FKBP1B: variants seen among roughly 807,000 people sequenced by gnomAD.
FKBP1B encodes peptidyl-prolyl cis-trans isomerase FKBP1B.
Under a neutral mutation model 13.5 loss-of-function variants are expected in FKBP1B, and 4 were observed. That is an observed-to-expected ratio of 0.30 (90% CI 0.15 to 0.68). FKBP1B has a LOEUF of 0.68. FKBP1B is among the 30% of genes least tolerant of loss of function. The pLI is 0.76. For synonymous variants in FKBP1B, 54 were observed against 53.6 expected, an observed-to-expected ratio of 1.01 and a Z score of -0.03; for missense variants, 93 against 136.2, an observed-to-expected ratio of 0.68 and a Z score of 1.58.
At chr2:24,058,736 C>T (rs1664247011) in intron 2 of FKBP1B, among the ~76,000 whole-genome samples, 2 of 152,168 alleles carry the variant, frequency 1.3e-5, no homozygotes, top group African/African-American at 4.8e-5. Flanking sequence ...GGCTTTTCTC[C>T]TGAGTGTGAG....
the FKBP1B span, chr2:24,037,626 C>T: frequency 8.2e-5 from 124 of 1,519,192 alleles, no homozygotes; most frequent in African/African-American, 1.4e-3. Context: ...CAGTACTCAC[C>T]GGCTGCAGGA....
chr2:24,039,338 C>G, the FKBP1B span: 5 of 1,614,142 alleles, frequency 3.1e-6, no homozygotes, highest in Non-Finnish European at 4.2e-6. Context: ...TGTCCAATGA[C>G]TTTGGAGTCC....
At chr2:24,056,774 T>G (rs1284843087) in intron 2 of FKBP1B, among the ~76,000 whole-genome samples, 1 of 152,150 alleles carries the variant, frequency 6.6e-6, no homozygotes, top group Non-Finnish European at 1.5e-5. Context: ...CCCTGCAACC[T>G]ACACTTCCCG....
At chr2:24,038,047 T>C in the FKBP1B span, 6 of 1,614,090 alleles carry the variant, frequency 3.7e-6, no homozygotes, top group Non-Finnish European at 5.1e-6. Flanking sequence ...ACTACTGGTA[T>C]TAACTGTCAG....
intron 2 of FKBP1B, among the ~76,000 whole-genome samples, chr2:24,055,048 A>T (rs1664056127): frequency 6.6e-6 from 1 of 152,178 alleles, no homozygotes. Flanking sequence ...GTCTAGGTCA[A>T]TGAATTTTTT....
upstream of FKBP1B, among the ~76,000 whole-genome samples, chr2:24,047,934 G>C (rs1358122220): frequency 2.0e-5 from 3 of 152,130 alleles, no homozygotes; most frequent in Non-Finnish European, 2.9e-5. Flanking sequence ...TCCAGGTCCT[G>C]ACCCTCACAG....
At chr2:24,037,432 G>C in the FKBP1B span, among the ~76,000 whole-genome samples, 3 of 152,174 alleles carry the variant, frequency 2.0e-5, no homozygotes, top group African/African-American at 7.2e-5. Flanking sequence ...AATTAGTGCA[G>C]ACATTTATTT....
Position 24,050,023 on chromosome 2 carries a change from G to C in FKBP1B, c.37+137G>C. 1.7e-6 allele frequency: 1 copy of C among 587,358 alleles called. No homozygotes were observed. Among genetic ancestry groups the C allele is most frequent in the Non-Finnish European group, 2.6e-6 (1 of 392,144 alleles). 36.4% of individuals were successfully genotyped at this position (587,358 alleles called of 1,614,324 possible). A position where few individuals can be genotyped will look rare whatever the true frequency, so the allele number is the denominator to read the frequency against. ...GATGGGGAAGGCAGGCGGAGACGCC[G>C]GACGGGATTCTTGGGGGTCTAGGAG... On this transcript the variant is annotated intron_variant, in intron 1 of 3. Coordinates refer to ENST00000380986, the MANE Select transcript of FKBP1B (RefSeq NM_004116.5). This position sits in a 1 kb window ranked among gnomAD's most constrained non-coding sequence, Gnocchi z 5.8.
intron 1 of FKBP1B, 21 bp from the exon 2 acceptor site, chr2:24,053,881 T>C: frequency 6.2e-7 from 1 of 1,613,450 alleles, no homozygotes; most frequent in Non-Finnish European, 8.5e-7. Context: ...CTCCTTCATC[T>C]GCCCTCATGT....
At chr2:24,055,728 T>C (rs1055027188) in intron 2 of FKBP1B, among the ~76,000 whole-genome samples, 9 of 152,232 alleles carry the variant, frequency 5.9e-5, no homozygotes, top group Non-Finnish European at 1.5e-5. Context: ...AACATTTGGG[T>C]TGTTCATAGT....
intron 2 of FKBP1B, among the ~76,000 whole-genome samples, chr2:24,060,104 A>G (rs1161276416): frequency 2.0e-5 from 3 of 146,588 alleles, no homozygotes; most frequent in Non-Finnish European, 4.5e-5. Context: ...GGGGAGTAAT[A>G]GAATCAGATT....
chr2:24,056,434 C>T (rs1352891187), intron 2 of FKBP1B, among the ~76,000 whole-genome samples: 1 of 151,524 alleles, frequency 6.6e-6, no homozygotes, highest in Non-Finnish European at 1.5e-5. Flanking sequence ...AACCCCGCCT[C>T]CTGGGTTCAA....
At position 24,063,476 on chromosome 2, in the gene FKBP1B, T is replaced by G; in HGVS notation, c.*284T>G. ...TCCTGATGACAGAACACAGATCTCT[T>G]GTTCGCACAATCTACACTGCCTTAC... On this transcript the variant is annotated 3_prime_UTR_variant, in exon 4 of 4. Coordinates refer to ENST00000380986, the MANE Select transcript of FKBP1B (RefSeq NM_004116.5). 1 of 350,526 alleles carries G rather than the reference T, an allele frequency of 2.9e-6. No individual in the cohort carries two copies. Among genetic ancestry groups the G allele is most frequent in the Non-Finnish European group, 5.1e-6 (1 of 194,702 alleles). The allele number at this position is 350,526 out of a possible 1,614,324, so 21.7% of individuals were successfully genotyped here. A position where few individuals can be genotyped will look rare whatever the true frequency, so the allele number is the denominator to read the frequency against.
At chr2:24,058,212 A>G (rs1471306088) in intron 2 of FKBP1B, among the ~76,000 whole-genome samples, 6 of 152,034 alleles carry the variant, frequency 3.9e-5, no homozygotes, top group African/African-American at 1.4e-4. Context: ...GGAAAAAAAA[A>G]AAAAAAATTG....
chr2:24,035,941 T>G, the FKBP1B span, among the ~76,000 whole-genome samples: 3 of 151,166 alleles, frequency 2.0e-5, no homozygotes, highest in African/African-American at 7.3e-5. Flanking sequence ...TGGTGGCACG[T>G]GCCTGTAATC....
intron 2 of FKBP1B, among the ~76,000 whole-genome samples, chr2:24,057,362 A>T (rs1664175341): frequency 6.9e-6 from 1 of 144,364 alleles, no homozygotes; most frequent in South Asian, 2.3e-4. Flanking sequence ...TGCCTGGCTA[A>T]TTTTTTTTTG....
At chr2:24,039,277 G>C in the FKBP1B span, 15 of 1,614,100 alleles carry the variant, frequency 9.3e-6, no homozygotes, top group Non-Finnish European at 1.3e-5. Context: ...TAGAACAGGT[G>C]TATCATCTGC....
upstream of FKBP1B, among the ~76,000 whole-genome samples, chr2:24,048,320 A>T (rs889348279): frequency 6.6e-6 from 1 of 151,936 alleles, no homozygotes. Context: ...AAATTTAAAA[A>T]TTAGCCGAAC....
At position 24,053,951 on chromosome 2, in the gene FKBP1B, T is replaced by A; in HGVS notation, c.85+2T>A. On this transcript the variant is annotated splice_donor_variant, in intron 2 of 3. Transcript: ENST00000380986. LOFTEE classifies it high-confidence loss of function. ...AAACGTGTGTGGTGCACTACACAGG[T>A]AAGTCTCACCCCCTCAGCCCCCACC... 1 of 1,614,068 alleles carries A rather than the reference T, an allele frequency of 6.2e-7. No individual in the cohort carries two copies. Among genetic ancestry groups the A allele is most frequent in the Admixed American group, 1.7e-5 (1 of 60,022 alleles).
Sources: gnomAD v4.1 joint callset for allele counts (sites outside exome capture counted in the v4.1 genomes callset) on GRCh38, gnomAD v4.1.1 for gene constraint, Gnocchi (gnomAD v3.1) non-coding constraint, MANE v1.5 for transcripts, NCBI Gene and HGNC (gene_info 2026-07-23, HGNC 2026-07-21) for gene names.